ULK4: variants seen among roughly 807,000 people sequenced by gnomAD.
The protein encoded by ULK4 is inactive serine/threonine-protein kinase ULK4.
In ULK4, 133 loss-of-function variants were observed where a neutral mutation model predicts 160.6. The observed-to-expected ratio is 0.83, with a 90% CI of 0.72 to 0.96. ULK4 has a LOEUF of 0.96. Ranked by LOEUF, ULK4 falls within the 40% of genes least tolerant of loss-of-function variation. ULK4 has a pLI of 0.00. For synonymous variants in ULK4, 534 were observed against 539.8 expected (o/e 0.99, Z 0.15); for missense variants, 1,580 against 1,499.5 (o/e 1.05, Z -0.89).
intron 35 of ULK4, among the ~76,000 whole-genome samples, chr3:41,314,482 T>C (rs978090883): frequency 1.3e-5 from 2 of 152,210 alleles, no homozygotes; most frequent in Non-Finnish European, 2.9e-5. Context: ...TTATTTCACT[T>C]AGTATAGTGT....
intron 22 of ULK4, among the ~76,000 whole-genome samples, chr3:41,738,345 C>A (rs2038126046): frequency 1.3e-5 from 2 of 151,668 alleles, no homozygotes; most frequent in Non-Finnish European, 2.9e-5. Flanking sequence ...TTTTTTTCTC[C>A]GTTTCAATTT....
chr3:41,655,760 G>A (rs1378450771), intron 30 of ULK4, among the ~76,000 whole-genome samples: 1 of 152,120 alleles, frequency 6.6e-6, no homozygotes, highest in Non-Finnish European at 1.5e-5. Context: ...AAATATTTTA[G>A]CTGTATAAAT....
At chr3:41,425,823 A>G (rs2082765223) in intron 34 of ULK4, among the ~76,000 whole-genome samples, 2 of 152,202 alleles carry the variant, frequency 1.3e-5, no homozygotes, top group Non-Finnish European at 2.9e-5. Context: ...CACTGCAAAA[A>G]CATACTGAAG....
intron 29 of ULK4, among the ~76,000 whole-genome samples, chr3:41,668,027 G>A (rs575530753): frequency 6.6e-6 from 1 of 152,326 alleles, no homozygotes; most frequent in South Asian, 2.1e-4. Context: ...GGATAATCAT[G>A]AGAAAATATT....
intron 31 of ULK4, among the ~76,000 whole-genome samples, chr3:41,598,272 G>A (rs2031823638): frequency 6.8e-6 from 1 of 148,012 alleles, no homozygotes; most frequent in Non-Finnish European, 1.5e-5. Flanking sequence ...CTGCTTACTT[G>A]CAAACTAAAC....
chr3:41,418,629 G>A (rs1469640724), intron 34 of ULK4, among the ~76,000 whole-genome samples: 1 of 152,128 alleles, frequency 6.6e-6, no homozygotes, highest in Non-Finnish European at 1.5e-5. Context: ...AAATGTGTAT[G>A]CTTTTAATCT....
chr3:41,846,435 T>A (rs1254046635), intron 17 of ULK4, among the ~76,000 whole-genome samples: 1 of 152,138 alleles, frequency 6.6e-6, no homozygotes, highest in Non-Finnish European at 1.5e-5. Flanking sequence ...AATATGTGGA[T>A]ATTGTTATTA....
At chr3:41,334,082 C>A (rs1261753818) in intron 35 of ULK4, among the ~76,000 whole-genome samples, 1 of 152,000 alleles carries the variant, frequency 6.6e-6, no homozygotes, top group Non-Finnish European at 1.5e-5. Flanking sequence ...ACACACACAC[C>A]GGCAAAACTG....
chr3:41,309,889 C>T (rs1329560926), intron 35 of ULK4, among the ~76,000 whole-genome samples: 1 of 138,052 alleles, frequency 7.2e-6, no homozygotes, highest in Non-Finnish European at 1.5e-5. Flanking sequence ...CTAACCAATG[C>T]CTTTTAGGGA....
intron 1 of ULK4, among the ~76,000 whole-genome samples, chr3:41,960,799 T>C (rs1479677586): frequency 1.3e-5 from 2 of 152,102 alleles, no homozygotes; most frequent in African/African-American, 4.8e-5. Flanking sequence ...AATTATAAAA[T>C]AAAACACAAG....
At chr3:41,432,947 C>A (rs1271344782) in intron 34 of ULK4, among the ~76,000 whole-genome samples, 1 of 151,390 alleles carries the variant, frequency 6.6e-6, no homozygotes, top group Non-Finnish European at 1.5e-5. Context: ...ATTTATAACC[C>A]TGGAGTGGAA....
At chr3:41,737,335 C>A (rs987438839) in intron 22 of ULK4, among the ~76,000 whole-genome samples, 1 of 151,910 alleles carries the variant, frequency 6.6e-6, no homozygotes, top group African/African-American at 2.4e-5. Context: ...TCAAGGAGAA[C>A]TACAAACCAC....
At chr3:41,434,500 G>C (rs1014427246) in intron 34 of ULK4, among the ~76,000 whole-genome samples, 1 of 152,112 alleles carries the variant, frequency 6.6e-6, no homozygotes, top group Non-Finnish European at 1.5e-5. Context: ...GGATAAGAGA[G>C]GAAGATATTT....
chr3:41,256,294 A>C (rs2078833378), intron 35 of ULK4, among the ~76,000 whole-genome samples: 2 of 152,228 alleles, frequency 1.3e-5, no homozygotes, highest in Admixed American at 6.5e-5. Context: ...AATAATTTTG[A>C]AAAAGCAGAA....
At chr3:41,620,332 A>C (rs1229958629) in intron 30 of ULK4, among the ~76,000 whole-genome samples, 1 of 152,198 alleles carries the variant, frequency 6.6e-6, no homozygotes, top group African/African-American at 2.4e-5. Flanking sequence ...ATTTCAGGTC[A>C]ATATCCCTGA....
At chr3:41,455,967 T>C (rs6771165) in intron 33 of ULK4, among the ~76,000 whole-genome samples, 79,466 of 151,980 alleles carry the variant, frequency 0.52, 21,162 homozygotes, top group East Asian at 0.68. Context: ...TGTTGTGCAG[T>C]GGCACAATCT....
intron 35 of ULK4, among the ~76,000 whole-genome samples, chr3:41,275,378 T>C (rs1371425848): frequency 1.3e-5 from 2 of 152,194 alleles, no homozygotes; most frequent in Non-Finnish European, 2.9e-5. Context: ...CTTTTGAAAG[T>C]ATTTGTCTTA....
At chr3:41,595,095 A>C (rs1043042837) in intron 31 of ULK4, among the ~76,000 whole-genome samples, 1 of 152,208 alleles carries the variant, frequency 6.6e-6, no homozygotes, top group Non-Finnish European at 1.5e-5. Context: ...TACTTAGGAT[A>C]GTTTTTTCAG....
intron 30 of ULK4, 49 bp downstream of exon 30, chr3:41,663,558 T>C (rs2035253730): frequency 1.3e-6 from 2 of 1,497,686 alleles, no homozygotes; most frequent in African/African-American, 1.4e-5. Flanking sequence ...ACACATAAAA[T>C]TCATTTTATA....
Sources: gnomAD v4.1 joint callset for allele counts (sites outside exome capture counted in the v4.1 genomes callset) on GRCh38, gnomAD v4.1.1 for gene constraint, MANE v1.5 for transcripts, NCBI Gene and HGNC (gene_info 2026-07-23, HGNC 2026-07-21) for gene names.